BBS9: variants seen among roughly 807,000 people sequenced by gnomAD.
BBS9 encodes the protein protein PTHB1.
BBS9 carries 89 observed loss-of-function variants against 117.7 expected under a neutral mutation model. The observed-to-expected ratio is 0.76, with a 90% CI of 0.64 to 0.90. BBS9 has a LOEUF of 0.90. BBS9 is among the 40% of genes least tolerant of loss of function. The pLI, the probability that BBS9 is intolerant of heterozygous loss-of-function variation, is 0.00. For missense variants in BBS9, 982 were observed against 1,042.2 expected (o/e 0.94, Z 0.80); for synonymous variants, 379 against 370.9 (o/e 1.02, Z -0.25).
intron 5 of BBS9, among the ~76,000 whole-genome samples, chr7:33,179,194 A>G (rs950840465): frequency 6.6e-6 from 1 of 152,228 alleles, no homozygotes; most frequent in Non-Finnish European, 1.5e-5. Flanking sequence ...ACATCATAAA[A>G]AAATTATAAC....
intron 9 of BBS9, among the ~76,000 whole-genome samples, chr7:33,284,490 A>G (rs1451768792): frequency 6.6e-6 from 1 of 152,120 alleles, no homozygotes; most frequent in Non-Finnish European, 1.5e-5. Flanking sequence ...TAAATGCCAC[A>G]CTTGCCACCA....
At chr7:33,427,064 G>A (rs1173721916) in intron 19 of BBS9, among the ~76,000 whole-genome samples, 1 of 152,084 alleles carries the variant, frequency 6.6e-6, no homozygotes, top group Non-Finnish European at 1.5e-5. Flanking sequence ...CCTAAGCTCA[G>A]GGTTCTTCTC....
intron 5 of BBS9, among the ~76,000 whole-genome samples, chr7:33,196,856 C>G (rs1785036523): frequency 6.6e-6 from 1 of 152,116 alleles, no homozygotes; most frequent in South Asian, 2.1e-4. Context: ...AATAATGTTA[C>G]TTTCAAATAG....
chr7:33,172,990 T>A (rs567806705), intron 4 of BBS9, among the ~76,000 whole-genome samples: 2 of 152,320 alleles, frequency 1.3e-5, no homozygotes, highest in African/African-American at 4.8e-5. Context: ...CCTTAATAGA[T>A]GTAAATTTCT....
intron 6 of BBS9, 23 bp downstream of exon 6, chr7:33,257,433 C>T: frequency 6.2e-7 from 1 of 1,610,894 alleles, no homozygotes; most frequent in Non-Finnish European, 8.5e-7. Flanking sequence ...GTTAAGTCTT[C>T]AGAATCATGA....
At chr7:33,185,883 T>G (rs1798740168) in intron 5 of BBS9, among the ~76,000 whole-genome samples, 1 of 152,194 alleles carries the variant, frequency 6.6e-6, no homozygotes, top group Non-Finnish European at 1.5e-5. Context: ...TGCGTCAAAA[T>G]GAACTAACAC....
Position 33,412,146 on chromosome 7 carries a change from A to G in BBS9, c.2115+24002A>G, listed in dbSNP as rs574733581. On this transcript the variant is annotated intron_variant, in intron 19 of 22. Coordinates refer to ENST00000242067, the MANE Select transcript of BBS9 (RefSeq NM_198428.3). ...TATTCTAATGTATTTTTGTAATAGA[A>G]CCCATTTTGTTAGAAAAAAATTCAT... Among the ~76,000 whole-genome samples, 3 of 152,228 alleles carry G rather than the reference A, an allele frequency of 2.0e-5. No individual in the cohort carries two copies. The East Asian group carries it at 5.8e-4, about 29-fold the overall frequency.
intron 4 of BBS9, among the ~76,000 whole-genome samples, chr7:33,174,429 G>A (rs1009207816): frequency 1.3e-5 from 2 of 152,196 alleles, no homozygotes; most frequent in Admixed American, 6.5e-5. Flanking sequence ...AGCCTCTTGA[G>A]CCAGAGTAGG....
intron 4 of BBS9, among the ~76,000 whole-genome samples, chr7:33,174,059 A>C (rs1461184568): frequency 9.2e-5 from 14 of 152,210 alleles, no homozygotes; most frequent in Admixed American, 9.2e-4. Flanking sequence ...CAAGACAGTT[A>C]ATTATCAGAT....
At position 33,383,775 on chromosome 7, in the gene BBS9, A is replaced by G; in HGVS notation, c.1899A>G (p.Ala633=). The part of the protein sequence containing the change: ...YFEKQGVKDF[A]CSFSGSIPLQ... Reference sequence around the variant, plus strand: ...AAAAACAGGGAGTCAAAGATTTTGCATGTTCTTTTTCGGGATCTATACCCC... The same window carrying G: ...AAAAACAGGGAGTCAAAGATTTTGCGTGTTCTTTTTCGGGATCTATACCCC... The change falls in exon 18 of 23, where the codon GCA becomes GCG. Residue 633 remains alanine (A), a synonymous_variant. Coordinates refer to ENST00000242067, the MANE Select transcript of BBS9 (RefSeq NM_198428.3). 6.2e-7 allele frequency: 1 copy of G among 1,612,914 alleles called. No individual in the cohort carries two copies. Among genetic ancestry groups the G allele is most frequent in the Non-Finnish European group, 8.5e-7 (1 of 1,179,792 alleles).
At chr7:33,130,823 G>T (rs1168235247) in intron 1 of BBS9, among the ~76,000 whole-genome samples, 2 of 151,976 alleles carry the variant, frequency 1.3e-5, no homozygotes, top group Non-Finnish European at 2.9e-5. Flanking sequence ...ATTTGTCAGA[G>T]TTTAAGGGAT....
intron 4 of BBS9, among the ~76,000 whole-genome samples, chr7:33,173,134 G>C (rs1220531306): frequency 6.6e-6 from 1 of 152,122 alleles, no homozygotes; most frequent in Non-Finnish European, 1.5e-5. Context: ...AGGAATAGGG[G>C]GAAGAAAGCA....
intron 1 of BBS9, among the ~76,000 whole-genome samples, chr7:33,140,063 T>C (rs1791198132): frequency 6.6e-6 from 1 of 152,150 alleles, no homozygotes; most frequent in African/African-American, 2.4e-5. Flanking sequence ...TCTCACTCTG[T>C]CACCCAGGCT....
chr7:33,353,020 T>G, intron 15 of BBS9, 147 bp downstream of exon 15: 5 of 778,440 alleles, frequency 6.4e-6, no homozygotes, highest in Non-Finnish European at 1.0e-5. Context: ...GCCTTGATTC[T>G]GCTATGGAGA....
chr7:33,469,875 C>T (rs1191811681), intron 19 of BBS9, among the ~76,000 whole-genome samples: 1 of 152,160 alleles, frequency 6.6e-6, no homozygotes, highest in African/African-American at 2.4e-5. Flanking sequence ...TGACCTTGAA[C>T]AAACCAGCTG....
intron 9 of BBS9, among the ~76,000 whole-genome samples, chr7:33,280,275 C>T (rs76580131): frequency 0.027 from 4,095 of 152,202 alleles, 142 homozygotes; most frequent in African/African-American, 0.082. Context: ...TTCTGTCACC[C>T]GGGTAGTCAG....
At chr7:33,630,715 C>T (rs750350270) in intron 21 of BBS9, among the ~76,000 whole-genome samples, 11 of 152,156 alleles carry the variant, frequency 7.2e-5, no homozygotes, top group Non-Finnish European at 1.6e-4. Flanking sequence ...CTGACTTCCT[C>T]GCTGGGCATC....
chr7:33,381,299 C>T (rs1300850904), intron 17 of BBS9, among the ~76,000 whole-genome samples: 1 of 152,148 alleles, frequency 6.6e-6, no homozygotes, highest in Non-Finnish European at 1.5e-5. Flanking sequence ...TCAGTGATGG[C>T]AGAAGAGTGA....
intron 21 of BBS9, among the ~76,000 whole-genome samples, chr7:33,604,100 G>A (rs6971448): frequency 2.6e-5 from 4 of 152,022 alleles, no homozygotes; most frequent in Admixed American, 1.3e-4. Context: ...TCGGAAAAAA[G>A]CATGTACAGT....
Sources: allele counts gnomAD v4.1 joint callset (sites outside exome capture counted in the v4.1 genomes callset), GRCh38; gene constraint gnomAD v4.1.1; transcripts MANE v1.5; gene names NCBI Gene and HGNC (gene_info 2026-07-23, HGNC 2026-07-21).